KIAA1958: variants seen among roughly 807,000 people sequenced by gnomAD.
KIAA1958 encodes uncharacterized protein KIAA1958.
KIAA1958 carries 14 observed loss-of-function variants against 47.2 expected under a neutral mutation model. The observed-to-expected ratio is 0.30, with a 90% CI of 0.20 to 0.46. The LOEUF (loss-of-function observed/expected upper bound fraction) is 0.46, where lower values mean the gene tolerates loss of function less well. Among genes scored for constraint, KIAA1958 ranks in the 20% least tolerant of loss-of-function variants. The pLI is 1.00. For missense variants in KIAA1958, 803 were observed against 909.2 expected (o/e 0.88, Z 1.50); for synonymous variants, 354 against 353.3 (o/e 1.00, Z -0.02).
At position 112,657,437 on chromosome 9, in the gene KIAA1958, G is replaced by T. The variant is rs140255305; in HGVS notation, c.1345-1826G>T. On this transcript the variant is annotated intron_variant, in intron 3 of 3. Transcript: ENST00000337530. ...TAGTTTACTTTTTCTAGCTTTTTGA[G>T]TTGAATAATCCGTTTGCTTATTCTC... Among the ~76,000 whole-genome samples the T allele has an allele frequency of 6.3e-3, 963 of 152,170 alleles. 5 individuals are homozygous for T. Among genetic ancestry groups the T allele is most frequent in the Non-Finnish European group, 1.0e-2 (677 of 68,008 alleles).
intron 1 of KIAA1958, among the ~76,000 whole-genome samples, chr9:112,554,982 A>G (rs1835216881): frequency 6.6e-6 from 1 of 152,250 alleles, no homozygotes; most frequent in Non-Finnish European, 1.5e-5. Flanking sequence ...GGACTTCAGA[A>G]GAACTAAAAA....
intron 2 of KIAA1958, among the ~76,000 whole-genome samples, chr9:112,576,026 G>A (rs546903465): frequency 1.6e-4 from 24 of 152,284 alleles, no homozygotes; most frequent in Admixed American, 4.6e-4. Flanking sequence ...CGTGGACAAG[G>A]ATGAACAAAT....
chr9:112,564,894 C>T (rs1015446078), intron 1 of KIAA1958, among the ~76,000 whole-genome samples: 2 of 152,068 alleles, frequency 1.3e-5, no homozygotes, highest in Admixed American at 6.5e-5. Flanking sequence ...TTGGCTCTGC[C>T]ATTTACTTTG....
At chr9:112,636,129 A>T in intron 2 of KIAA1958, among the ~76,000 whole-genome samples, 1 of 148,256 alleles carries the variant, frequency 6.7e-6, no homozygotes, top group South Asian at 2.1e-4. Flanking sequence ...TACTATACAT[A>T]TATCATATAT....
Position 112,659,811 on chromosome 9 carries a change from C to T in KIAA1958, c.1893C>T (p.Cys631=). Residue 631 remains cysteine (C), a synonymous_variant, in exon 4 of 4, where the codon TGC becomes TGT. Transcript: ENST00000337530. ...HSRGHKQCPY[C]LLYKYMYIHR... The stretch of plus-strand genomic sequence containing the variant: ...GGGGACACAAACAGTGCCCTTACTG[C>T]CTCCTCTACAAGTACATGTACATCC... The T allele has an allele frequency of 6.2e-7, 1 of 1,614,174 alleles. No individual in the cohort carries two copies. Among genetic ancestry groups the T allele is most frequent in the Non-Finnish European group, 8.5e-7 (1 of 1,180,036 alleles).
In KIAA1958 at chr9:112,662,323, A is replaced by G. The variant is rs948495999; in HGVS notation, c.*2254A>G. ...CTGTTTGTGACATGCCACCTTGGGA[A>G]ACAAGAGTGAGGAAGAAAACACAGT... On this transcript the variant is annotated 3_prime_UTR_variant, in exon 4 of 4. Transcript: ENST00000337530. The G allele has an allele frequency of 1.3e-5, 2 of 152,246 alleles. No homozygotes were observed. The highest frequency in any genetic ancestry group is 4.8e-5 in the African/African-American group (2 of 41,462). 9.4% of individuals were successfully genotyped at this position (152,246 alleles called of 1,614,324 possible).
At chr9:112,509,256 G>A (rs895625177) in intron 1 of KIAA1958, among the ~76,000 whole-genome samples, 1 of 127,248 alleles carries the variant, frequency 7.9e-6, no homozygotes, top group Admixed American at 9.5e-5. Flanking sequence ...AGGCTGTAGT[G>A]TGCAATGGCA....
intron 2 of KIAA1958, among the ~76,000 whole-genome samples, chr9:112,628,181 A>G (rs1836650793): frequency 6.6e-6 from 1 of 152,228 alleles, no homozygotes; most frequent in African/African-American, 2.4e-5. Flanking sequence ...TCCTTCTGTC[A>G]GTTCAATGGG....
intron 1 of KIAA1958, among the ~76,000 whole-genome samples, chr9:112,535,251 G>T (rs1315766506): frequency 6.6e-6 from 1 of 152,054 alleles, no homozygotes. Flanking sequence ...TCATCCCACT[G>T]CACAGCCTCT....
At chr9:112,522,848 G>A (rs1048308663) in intron 1 of KIAA1958, among the ~76,000 whole-genome samples, 2 of 152,166 alleles carry the variant, frequency 1.3e-5, no homozygotes, top group African/African-American at 4.8e-5. Flanking sequence ...GGATACCAGA[G>A]CAGGTGCTCA....
chr9:112,579,722 A>G (rs369200594), intron 2 of KIAA1958, among the ~76,000 whole-genome samples: 2 of 152,302 alleles, frequency 1.3e-5, no homozygotes, highest in Non-Finnish European at 1.5e-5. Context: ...GCTTTTTGAA[A>G]AATTACTCAT....
chr9:112,560,636 T>C (rs1223627608), intron 1 of KIAA1958, among the ~76,000 whole-genome samples: 1 of 152,234 alleles, frequency 6.6e-6, no homozygotes, highest in Non-Finnish European at 1.5e-5. Flanking sequence ...ATAACTGTAT[T>C]TCAAGTTAGG....
Position 112,525,828 on chromosome 9 carries a change from G to A in KIAA1958, c.-25+38710G>A, listed in dbSNP as rs1054918370. ...GACCCGCAATTTACTGAATCTGGGT[G>A]AGCATAGAAGAGGAGGAATAGGACA... On this transcript the variant is annotated intron_variant, in intron 1 of 3. Transcript: ENST00000337530. Among the ~76,000 whole-genome samples the A allele has an allele frequency of 3.3e-5, 5 of 150,912 alleles. No homozygotes were observed. The East Asian group carries it at 5.8e-4, about 18-fold the overall frequency.
chr9:112,662,243 G>A lies in KIAA1958; in HGVS notation c.*2174G>A, dbSNP rs965538415. ...TATTATAATTAATAATCAGGAGGGC[G>A]AATCTTCAGTGGCATCTGATGGAAT... On this transcript the variant is annotated 3_prime_UTR_variant, in exon 4 of 4. Coordinates refer to ENST00000337530, the MANE Select transcript of KIAA1958 (RefSeq NM_133465.4). 8 of 152,166 alleles carry A rather than the reference G, an allele frequency of 5.3e-5. No homozygotes were observed. The highest frequency in any genetic ancestry group is 8.8e-5 in the Non-Finnish European group (6 of 68,034). 9.4% of individuals were successfully genotyped at this position (152,166 alleles called of 1,614,324 possible). A position where few individuals can be genotyped will look rare whatever the true frequency, so the allele number is the denominator to read the frequency against.
intron 2 of KIAA1958, among the ~76,000 whole-genome samples, chr9:112,577,547 T>TTTAA (rs1835666973): frequency 1.3e-5 from 2 of 151,712 alleles, no homozygotes; most frequent in African/African-American, 4.8e-5. Flanking sequence ...TTTTTTTTCA[T>TTTAA]TTAAATAGGG....
rs1369888129 is a variant in KIAA1958, at chr9:112,659,404, T to G, written c.1486T>G (p.Phe496Val). Residue 496 changes from phenylalanine (F) to valine (V), a missense_variant, in exon 4 of 4, where the codon TTT becomes GTT. By Grantham distance (50) the Phe-to-Val change is conservative. Transcript: ENST00000337530. ...CATCCTGAAGAATGCAGGTGTCGGC[T>G]TTTCCATCACCAGCAGCACCTTCAG... ...DRILKNAGVG[F>V]SITSSTFSSS... 6.2e-7 allele frequency: 1 copy of G among 1,614,114 alleles called. No individual in the cohort carries two copies. Among genetic ancestry groups the G allele is most frequent in the Non-Finnish European group, 8.5e-7 (1 of 1,180,014 alleles).
At chr9:112,535,450 A>G (rs760807404) in intron 1 of KIAA1958, among the ~76,000 whole-genome samples, 1 of 152,128 alleles carries the variant, frequency 6.6e-6, no homozygotes, top group Non-Finnish European at 1.5e-5. Context: ...AGTCCATTGT[A>G]TAAATATACC....
intron 1 of KIAA1958, among the ~76,000 whole-genome samples, chr9:112,551,950 AG>A (rs1237545274): frequency 6.6e-6 from 1 of 152,232 alleles, no homozygotes; most frequent in Non-Finnish European, 1.5e-5. Flanking sequence ...TTATAGTTCC[AG>A]TTTATGTTCA....
rs1479285759 is a variant in KIAA1958 at position 112,645,790 on chromosome 9, A to ACC, written c.1312_1313insCC (p.Asn438ThrfsTer16). 6.2e-7 allele frequency: 1 copy of ACC among 1,613,650 alleles called. No individual in the cohort carries two copies. Among genetic ancestry groups the ACC allele is most frequent in the Non-Finnish European group, 8.5e-7 (1 of 1,179,928 alleles). ...TGTGTGGCGTTATTGGTGCATGACC[A>ACC]ACGGGCTCAAAGACCACACAGACAT... is the stretch of plus-strand genomic sequence containing the variant. On this transcript the variant is annotated frameshift_variant, in exon 3 of 4. Coordinates refer to ENST00000337530, the MANE Select transcript of KIAA1958 (RefSeq NM_133465.4). LOFTEE classifies it high-confidence loss of function.
Sources: gnomAD v4.1 joint callset for allele counts (sites outside exome capture counted in the v4.1 genomes callset) on GRCh38, gnomAD v4.1.1 for gene constraint, MANE v1.5 for transcripts, NCBI Gene and HGNC (gene_info 2026-07-23, HGNC 2026-07-21) for gene names.